The following TAB3 variants were observed in gnomAD, a reference collection of about 807,000 sequenced individuals.
TAB3 encodes TGF-beta-activated kinase 1 and MAP3K7-binding protein 3.
A neutral mutation model predicts 48.1 loss-of-function variants in TAB3; 18 were observed. That is an observed-to-expected ratio of 0.37 (90% CI 0.26 to 0.55). The LOEUF is 0.55. Ranked by LOEUF, TAB3 falls within the 20% of genes least tolerant of loss-of-function variation. The probability of loss-of-function intolerance (pLI) is 0.78; values close to 1 mark genes in which losing one functional copy is unlikely to be tolerated. For missense variants in TAB3, 414 were observed against 549.8 expected (o/e 0.75, Z 2.47); for synonymous variants, 185 against 190.2 (o/e 0.97, Z 0.22).
At chrX:30,861,806 T>C (rs542807171) in intron 4 of TAB3, among the ~76,000 whole-genome samples, 1 of 112,270 alleles carries the variant, frequency 8.9e-6, no homozygotes, top group South Asian at 3.6e-4. Context: ...GTGAAATTAA[T>C]TGTAACATTT....
chrX:30,849,484 T>C (rs758513241), intron 7 of TAB3, among the ~76,000 whole-genome samples: 5 of 112,665 alleles, frequency 4.4e-5, no homozygotes, highest in Non-Finnish European at 9.4e-5. Context: ...TGTGCTTTAG[T>C]AGCAAAAATG....
At chrX:30,879,843 C>T (rs988380022) in intron 1 of TAB3, among the ~76,000 whole-genome samples, 1 of 111,574 alleles carries the variant, frequency 9.0e-6, no homozygotes, top group African/African-American at 3.2e-5. Context: ...AGATCAAATA[C>T]ATACTCTAAA....
Position 30,827,988 on chromosome X carries a change from A to T in TAB3, c.*3439T>A, listed in dbSNP as rs1469237127. Reference sequence around the variant, plus strand: ...TTTTAAAAGTAACATTTCAGTTGTCATTTTTCTTTCTCTACAGATAGATAT... The same window carrying T: ...TTTTAAAAGTAACATTTCAGTTGTCTTTTTTCTTTCTCTACAGATAGATAT... On this transcript the variant is annotated 3_prime_UTR_variant, in exon 11 of 11. Transcript: ENST00000288422. 1 of 112,209 alleles carries T rather than the reference A, an allele frequency of 8.9e-6. No individual in the cohort carries two copies. Among genetic ancestry groups the T allele is most frequent in the Non-Finnish European group, 1.9e-5 (1 of 53,158 alleles). The allele number at this position is 112,209 out of a possible 1,213,427, so 9.2% of individuals were successfully genotyped here.
intron 9 of TAB3, chrX:30,836,631 CCAG>C (rs752008588): frequency 9.0e-6 from 1 of 111,469 alleles, no homozygotes; most frequent in African/African-American, 3.3e-5. Context: ...TCGCTTCAGC[CCAG>C]GAGTTTGAGA....
intron 1 of TAB3, among the ~76,000 whole-genome samples, chrX:30,875,633 C>T (rs2147402707): frequency 8.9e-6 from 1 of 111,947 alleles, no homozygotes; most frequent in South Asian, 3.7e-4. Flanking sequence ...ATTTCAATAG[C>T]AATTAAGAGG....
At chrX:30,846,199 CT>C in intron 8 of TAB3, 2 of 488,407 alleles carry the variant, frequency 4.1e-6, no homozygotes, top group Non-Finnish European at 5.6e-6. Context: ...TTTGGGATCC[CT>C]TTTTACAGAT....
intron 9 of TAB3, among the ~76,000 whole-genome samples, chrX:30,838,593 G>A (rs1464214914): frequency 8.9e-6 from 1 of 112,393 alleles, no homozygotes; most frequent in African/African-American, 3.2e-5. Context: ...GTATTACACT[G>A]TATCTATATA....
chrX:30,861,686 G>A (rs1379099908), intron 4 of TAB3, among the ~76,000 whole-genome samples: 1 of 111,725 alleles, frequency 9.0e-6, no homozygotes, highest in Non-Finnish European at 1.9e-5. Flanking sequence ...CTAGCTAGAT[G>A]TATAATCCTA....
intron 7 of TAB3, among the ~76,000 whole-genome samples, chrX:30,849,040 T>C (rs1410964490): frequency 8.9e-6 from 1 of 111,995 alleles, no homozygotes; most frequent in Non-Finnish European, 1.9e-5. Flanking sequence ...GTTCCATCTA[T>C]AAACTCTATA....
intron 1 of TAB3, among the ~76,000 whole-genome samples, chrX:30,887,937 A>G (rs1346187876): frequency 8.9e-6 from 1 of 112,101 alleles, no homozygotes; most frequent in Non-Finnish European, 1.9e-5. Flanking sequence ...GGTTGTAAAG[A>G]TTCATATCAC....
chrX:30,879,905 G>T (rs1408288558), intron 1 of TAB3, among the ~76,000 whole-genome samples: 1 of 111,427 alleles, frequency 9.0e-6, no homozygotes, highest in Non-Finnish European at 1.9e-5. Flanking sequence ...TCAATATAAA[G>T]ATATAAACAA....
chrX:30,857,768 A>G (rs372678326), intron 5 of TAB3, among the ~76,000 whole-genome samples: 1 of 112,278 alleles, frequency 8.9e-6, no homozygotes, highest in Non-Finnish European at 1.9e-5. Flanking sequence ...ATAGATTCTA[A>G]TGTCACATTT....
At chrX:30,870,619 T>TA (rs1319083456) in intron 2 of TAB3, among the ~76,000 whole-genome samples, 4 of 112,431 alleles carry the variant, frequency 3.6e-5, no homozygotes, top group Non-Finnish European at 7.5e-5. Flanking sequence ...GTTTTTTGTT[T>TA]AAAATAAAAA....
intron 10 of TAB3, among the ~76,000 whole-genome samples, chrX:30,832,933 G>A (rs1015653113): frequency 1.8e-4 from 20 of 109,861 alleles, no homozygotes; most frequent in African/African-American, 4.3e-4. Context: ...TAAAGCCTTC[G>A]GTTGGAGGAA....
chrX:30,859,391 CAAGAAA>C, intron 5 of TAB3, 90 bp downstream of exon 5: 9 of 634,212 alleles, frequency 1.4e-5, no homozygotes, highest in South Asian at 5.5e-5. Context: ...CACACACACA[CAAGAAA>C]ACATACCTGG....
intron 6 of TAB3, 50 bp downstream of exon 6, chrX:30,854,066 A>T: frequency 8.9e-7 from 1 of 1,127,114 alleles, no homozygotes; most frequent in Non-Finnish European, 1.2e-6. Context: ...TGAATGGGAG[A>T]CTGCTGCCTC....
rs1938115975 is a variant in TAB3 at position 30,834,142 on chromosome X, G to A, written c.1899C>T (p.Asp633=). The A allele has an allele frequency of 1.7e-6, 2 of 1,206,101 alleles. No homozygotes were observed. The highest frequency in any genetic ancestry group is 2.2e-5 in the Admixed American group (1 of 45,549). The change falls in exon 10 of 11, where the codon GAC becomes GAT. Residue 633 remains aspartate, a synonymous_variant. Transcript: ENST00000288422. The part of the protein sequence containing the change: ...PPKPSKKDSS[D]PCTIERKARR... ...GGGCTTTTCTCTCAATTGTGCAGGG[G>A]TCTGAGGAGTCTGCATAAAAATAAA...
chrX:30,844,333 C>T (rs1299155730), intron 8 of TAB3: 1 of 111,967 alleles, frequency 8.9e-6, no homozygotes, highest in Admixed American at 9.6e-5. Flanking sequence ...CTTGCAGGCC[C>T]TTTCACAAAT....
intron 10 of TAB3, among the ~76,000 whole-genome samples, chrX:30,833,032 G>A (rs746434979): frequency 3.1e-4 from 32 of 104,645 alleles, no homozygotes; most frequent in Non-Finnish European, 5.7e-4. Context: ...GTGCAGTGGC[G>A]TGATCTCGGC....
Sources: allele counts gnomAD v4.1 joint callset (sites outside exome capture counted in the v4.1 genomes callset), GRCh38; gene constraint gnomAD v4.1.1; transcripts MANE v1.5; gene names NCBI Gene and HGNC (gene_info 2026-07-23, HGNC 2026-07-21).